Variants in ME1 observed in about 807,000 individuals in gnomAD.
ME1 encodes NADP-dependent malic enzyme.
Under a neutral mutation model 66.4 loss-of-function variants are expected in ME1, and 74 were observed. The ratio of observed to expected loss-of-function variants is 1.11; its 90% confidence interval spans 0.92 to 1.35. The LOEUF (loss-of-function observed/expected upper bound fraction) is 1.35. ME1 is among the 40% of genes most tolerant of loss of function. ME1 has a pLI of 0.00. For synonymous variants in ME1, 251 were observed against 235.6 expected (o/e 1.07, Z -0.60); for missense variants, 750 against 694.1 (o/e 1.08, Z -0.90).
intron 6 of ME1, among the ~76,000 whole-genome samples, chr6:83,284,209 A>C (rs1145913): frequency 0.35 from 53,456 of 151,906 alleles, 9,623 homozygotes; most frequent in Middle Eastern, 0.49. Flanking sequence ...CCTAATAAGA[A>C]CATATTAACT....
At chr6:83,424,085 A>G (rs1770322505) in intron 1 of ME1, among the ~76,000 whole-genome samples, 1 of 145,768 alleles carries the variant, frequency 6.9e-6, no homozygotes, top group African/African-American at 2.6e-5. Flanking sequence ...TAACAGAGCA[A>G]GACCCTGTCT....
At chr6:83,230,527 T>C (rs1415810479) in intron 9 of ME1, among the ~76,000 whole-genome samples, 1 of 152,148 alleles carries the variant, frequency 6.6e-6, no homozygotes, top group African/African-American at 2.4e-5. Flanking sequence ...GGACTGTACC[T>C]GGTTTATAGT....
intron 2 of ME1, 33 bp downstream of exon 2, chr6:83,407,735 G>T: frequency 6.5e-7 from 1 of 1,533,424 alleles, no homozygotes; most frequent in South Asian, 1.3e-5. Context: ...CTGCATAAGA[G>T]AAATATAAAA....
At chr6:83,260,356 CCTT>C (rs1020032602) in intron 6 of ME1, among the ~76,000 whole-genome samples, 7 of 152,250 alleles carry the variant, frequency 4.6e-5, no homozygotes, top group African/African-American at 1.4e-4. Context: ...AAAAAATCCT[CCTT>C]GTCTCCAAAA....
chr6:83,249,961 C>A (rs1357551414), intron 7 of ME1, among the ~76,000 whole-genome samples: 3 of 152,132 alleles, frequency 2.0e-5, no homozygotes, highest in Non-Finnish European at 4.4e-5. Flanking sequence ...ATTGTCTTTT[C>A]TTTGCACAAA....
intron 8 of ME1, among the ~76,000 whole-genome samples, chr6:83,238,263 G>T (rs1790450885): frequency 6.6e-6 from 1 of 152,146 alleles, no homozygotes; most frequent in South Asian, 2.1e-4. Context: ...AAAGATCTGT[G>T]TTTCCAAGCA....
At chr6:83,298,879 T>C (rs1767653143) in intron 6 of ME1, among the ~76,000 whole-genome samples, 1 of 148,056 alleles carries the variant, frequency 6.8e-6, no homozygotes, top group East Asian at 2.0e-4. Flanking sequence ...CGGTTGGAGA[T>C]GTGTGGTCTT....
intron 6 of ME1, among the ~76,000 whole-genome samples, chr6:83,270,917 T>C (rs1340028770): frequency 6.6e-6 from 1 of 151,746 alleles, no homozygotes; most frequent in Admixed American, 6.6e-5. Flanking sequence ...CATAAGAATG[T>C]CATTTTGGGA....
At chr6:83,217,197 C>T (rs1790010037) in intron 12 of ME1, among the ~76,000 whole-genome samples, 2 of 152,048 alleles carry the variant, frequency 1.3e-5, no homozygotes, top group African/African-American at 4.8e-5. Context: ...TGTATTGAAC[C>T]CTAAGGCAGA....
At chr6:83,312,761 T>TA (rs1767954960) in intron 6 of ME1, among the ~76,000 whole-genome samples, 1 of 152,064 alleles carries the variant, frequency 6.6e-6, no homozygotes, top group African/African-American at 2.4e-5. Flanking sequence ...CCTTTTTTTT[T>TA]AATTTTTTTA....
chr6:83,285,378 A>G (rs1453321436), intron 6 of ME1, among the ~76,000 whole-genome samples: 1 of 152,232 alleles, frequency 6.6e-6, no homozygotes, highest in Non-Finnish European at 1.5e-5. Flanking sequence ...CTTACTTGCA[A>G]TCAGACTCTG....
At chr6:83,397,281 A>G (rs1428910513) in intron 3 of ME1, among the ~76,000 whole-genome samples, 1 of 152,230 alleles carries the variant, frequency 6.6e-6, no homozygotes, top group East Asian at 1.9e-4. Context: ...CTCAGTAACA[A>G]GAAAACAAAT....
At chr6:83,212,131 A>G in intron 13 of ME1, 37 bp from the exon 14 acceptor site, 1 of 1,468,062 alleles carries the variant, frequency 6.8e-7, no homozygotes, top group Non-Finnish European at 9.3e-7. Flanking sequence ...ATTTTAATAA[A>G]TAGAGGTAAT....
At chr6:83,246,533 C>T (rs1046184256) in intron 7 of ME1, among the ~76,000 whole-genome samples, 15 of 151,990 alleles carry the variant, frequency 9.9e-5, no homozygotes, top group African/African-American at 3.1e-4. Context: ...CTTGTGAATA[C>T]CTAACCATGT....
At chr6:83,363,411 C>T (rs993340467) in intron 3 of ME1, among the ~76,000 whole-genome samples, 5 of 152,066 alleles carry the variant, frequency 3.3e-5, no homozygotes, top group African/African-American at 7.2e-5. Flanking sequence ...TCCACAATGG[C>T]GGTAAGGAAG....
At chr6:83,285,994 T>C (rs191297794) in intron 6 of ME1, among the ~76,000 whole-genome samples, 46 of 152,328 alleles carry the variant, frequency 3.0e-4, no homozygotes, top group Admixed American at 2.0e-3. Flanking sequence ...TTTCACATTA[T>C]ACCAAAAGTG....
intron 5 of ME1, among the ~76,000 whole-genome samples, chr6:83,323,254 C>A (rs1469212967): frequency 6.6e-6 from 1 of 152,028 alleles, no homozygotes; most frequent in African/African-American, 2.4e-5. Flanking sequence ...AACTAATGGG[C>A]AAAATAACCA....
chr6:83,292,534 C>A (rs1033521724), intron 6 of ME1, among the ~76,000 whole-genome samples: 2 of 152,174 alleles, frequency 1.3e-5, no homozygotes, highest in Non-Finnish European at 2.9e-5. Context: ...AGGTGTCTGT[C>A]AGCCCCTACT....
chr6:83,300,931 C>T (rs1266738112), intron 6 of ME1, among the ~76,000 whole-genome samples: 4 of 152,136 alleles, frequency 2.6e-5, no homozygotes, highest in Non-Finnish European at 5.9e-5. Context: ...TCATTCTCAT[C>T]AAACTATCGC....
Sources: allele counts gnomAD v4.1 joint callset (sites outside exome capture counted in the v4.1 genomes callset), GRCh38; gene constraint gnomAD v4.1.1; transcripts MANE v1.5; gene names NCBI Gene and HGNC (gene_info 2026-07-23, HGNC 2026-07-21).